TRHDE: variants seen among roughly 807,000 people sequenced by gnomAD.
The protein encoded by TRHDE is thyrotropin-releasing hormone-degrading ectoenzyme.
In TRHDE, 72 loss-of-function variants were observed where a neutral mutation model predicts 125.7. The ratio of observed to expected loss-of-function variants is 0.57; its 90% CI spans 0.47 to 0.70. The LOEUF is 0.70. Among genes scored for constraint, TRHDE ranks in the 30% least tolerant of loss-of-function variants. The pLI, the probability that TRHDE is intolerant of heterozygous loss-of-function variation, is 0.00. For missense variants in TRHDE, 1,110 were observed against 1,327.1 expected (o/e 0.84, Z 2.54); for synonymous variants, 509 against 509.1 (o/e 1.00, Z 0.00).
chr12:72,114,709 A>G (rs1875401642), intron 2 of TRHDE, among the ~76,000 whole-genome samples: 1 of 152,068 alleles, frequency 6.6e-6, no homozygotes, highest in Non-Finnish European at 1.5e-5. Flanking sequence ...TGGAGGTGAG[A>G]TGGAAGAAGG....
At chr12:72,119,810 G>A (rs1875533275) in intron 2 of TRHDE, among the ~76,000 whole-genome samples, 1 of 152,000 alleles carries the variant, frequency 6.6e-6, no homozygotes, top group Admixed American at 6.6e-5. Context: ...TGACAGTTTT[G>A]TCATGAAATC....
chr12:72,120,069 T>C (rs1383124515), intron 2 of TRHDE, among the ~76,000 whole-genome samples: 1 of 152,014 alleles, frequency 6.6e-6, no homozygotes, highest in Non-Finnish European at 1.5e-5. Flanking sequence ...CTTTTTTTTT[T>C]TTGAGACGGA....
At chr12:72,610,733 G>A (rs543708641) in intron 12 of TRHDE, 11 of 152,250 alleles carry the variant, frequency 7.2e-5, no homozygotes, top group South Asian at 2.1e-4. Context: ...CAGGGCATCC[G>A]ACTTTCAGAA....
chr12:72,096,063 C>A (rs1243691873), intron 1 of TRHDE, among the ~76,000 whole-genome samples: 1 of 151,160 alleles, frequency 6.6e-6, no homozygotes, highest in Non-Finnish European at 1.5e-5. Flanking sequence ...GCTCACACTG[C>A]AGATTTTGGA....
At chr12:72,271,079 T>C (rs1253788568), upstream of TRHDE, among the ~76,000 whole-genome samples, 1 of 152,238 alleles carries the variant, frequency 6.6e-6, no homozygotes, top group African/African-American at 2.4e-5. Flanking sequence ...CTCAGGGTTT[T>C]GGTCCTGAAT....
rs1300479928 is a variant in TRHDE at position 72,663,760 on chromosome 12, A to T, written c.*565A>T. 1 of 152,468 alleles carries T rather than the reference A, an allele frequency of 6.6e-6. No individual in the cohort carries two copies. Among genetic ancestry groups the T allele is most frequent in the East Asian group, 1.9e-4 (1 of 5,166 alleles). 9.4% of individuals were successfully genotyped at this position (152,468 alleles called of 1,614,324 possible). ...AATAGCCCTTGACATGATGAACATC[A>T]CTTATTTCAGCACTTGGATTGTCTG... On this transcript the variant is annotated 3_prime_UTR_variant, in exon 19 of 19. Transcript: ENST00000261180.
At chr12:72,541,568 T>C (rs1248457037) in intron 6 of TRHDE, among the ~76,000 whole-genome samples, 2 of 151,466 alleles carry the variant, frequency 1.3e-5, no homozygotes, top group Admixed American at 6.6e-5. Flanking sequence ...GAAATGAAAA[T>C]GATTAGACAA....
chr12:72,577,050 C>A (rs1306024348), intron 12 of TRHDE, among the ~76,000 whole-genome samples: 2 of 152,048 alleles, frequency 1.3e-5, no homozygotes, highest in Admixed American at 6.6e-5. Flanking sequence ...GCAGTAAAAT[C>A]TGAAGTCTTT....
intron 2 of TRHDE, among the ~76,000 whole-genome samples, chr12:72,296,345 G>T (rs1880298788): frequency 6.6e-6 from 1 of 152,212 alleles, no homozygotes; most frequent in Non-Finnish European, 1.5e-5. Context: ...GCAGGAAGAT[G>T]TAAGTGAAAA....
chr12:72,364,264 A>T (rs1404059314), intron 2 of TRHDE, among the ~76,000 whole-genome samples: 1 of 152,080 alleles, frequency 6.6e-6, no homozygotes, highest in African/African-American at 2.4e-5. Context: ...GATTTTAAGG[A>T]CATGGACAAG....
intron 6 of TRHDE, among the ~76,000 whole-genome samples, chr12:72,516,687 T>C (rs1878878745): frequency 2.0e-5 from 3 of 150,892 alleles, no homozygotes; most frequent in Admixed American, 2.0e-4. Context: ...CTATGTTGAA[T>C]AGGAGTGGTG....
intron 2 of TRHDE, among the ~76,000 whole-genome samples, chr12:72,157,630 T>C (rs1876546865): frequency 6.6e-6 from 1 of 152,104 alleles, no homozygotes; most frequent in African/African-American, 2.4e-5. Flanking sequence ...ACCTGGTGAA[T>C]GGTGGTGCTA....
At chr12:72,466,949 A>G (rs1156532073) in intron 3 of TRHDE, among the ~76,000 whole-genome samples, 1 of 152,226 alleles carries the variant, frequency 6.6e-6, no homozygotes, top group Non-Finnish European at 1.5e-5. Context: ...TGTAAGCACC[A>G]TGACGATAGA....
At chr12:72,648,644 A>C (rs1261933960) in intron 15 of TRHDE, among the ~76,000 whole-genome samples, 2 of 152,002 alleles carry the variant, frequency 1.3e-5, no homozygotes, top group Admixed American at 1.3e-4. Flanking sequence ...ATCTCACAAC[A>C]GCACCAAAAA....
intron 12 of TRHDE, among the ~76,000 whole-genome samples, chr12:72,601,433 CATT>C (rs936055308): frequency 2.6e-5 from 4 of 152,062 alleles, no homozygotes; most frequent in Admixed American, 6.6e-5. Context: ...AGGATTAAAA[CATT>C]ATATAAACTT....
intron 13 of TRHDE, 41 bp downstream of exon 13, chr12:72,619,079 C>T (rs1439802768): frequency 7.1e-7 from 1 of 1,415,992 alleles, no homozygotes; most frequent in Non-Finnish European, 9.4e-7. Flanking sequence ...TTAGAAGATA[C>T]ACTATTTTAT....
intron 3 of TRHDE, among the ~76,000 whole-genome samples, chr12:72,419,577 T>C (rs1004756851): frequency 1.3e-5 from 2 of 151,926 alleles, no homozygotes; most frequent in African/African-American, 4.8e-5. Flanking sequence ...TCATGAAAAA[T>C]CATTCACTAT....
chr12:72,612,000 C>T (rs1170717731), intron 12 of TRHDE, among the ~76,000 whole-genome samples: 2 of 152,310 alleles, frequency 1.3e-5, no homozygotes, highest in Admixed American at 6.5e-5. Context: ...TTATTTCAGG[C>T]TTTTCATGCT....
In TRHDE at chr12:72,406,472, G is replaced by T. The variant is rs116534384; in HGVS notation, c.1315+28351G>T. 6.4e-3 allele frequency among the ~76,000 whole-genome samples: 970 copies of T among 152,244 alleles called. 12 individuals carry two copies. Among genetic ancestry groups the T allele is most frequent in the African/African-American group, 0.022 (934 of 41,552 alleles). On this transcript the variant is annotated intron_variant, in intron 3 of 18. Coordinates refer to ENST00000261180, the MANE Select transcript of TRHDE (RefSeq NM_013381.3). ...TTTTAGAGGAAATAGGGTTTATATT[G>T]TTAGGTGCTGGTTGTTTTAATAGGA...
Sources: allele counts gnomAD v4.1 joint callset (sites outside exome capture counted in the v4.1 genomes callset), GRCh38; gene constraint gnomAD v4.1.1; transcripts MANE v1.5; gene names NCBI Gene and HGNC (gene_info 2026-07-23, HGNC 2026-07-21).